Variants in PIGU observed in about 807,000 individuals in gnomAD.
PIGU encodes the protein GPI-anchor transamidase component PIGU.
Under a neutral mutation model 49.9 loss-of-function variants are expected in PIGU, and 24 were observed. The ratio of observed to expected loss-of-function variants is 0.48; its 90% CI spans 0.35 to 0.68. The LOEUF is 0.68. Among genes scored for constraint, PIGU ranks in the 30% least tolerant of loss-of-function variants. PIGU has a pLI of 0.01. For synonymous variants in PIGU, 220 were observed against 205.7 expected (o/e 1.07, Z -0.59); for missense variants, 490 against 532.6 (o/e 0.92, Z 0.79).
At chr20:34,657,350 C>T (rs2146783674) in intron 1 of PIGU, 106 bp from the exon 2 acceptor site, 1 of 745,080 alleles carries the variant, frequency 1.3e-6, no homozygotes, top group African/African-American at 1.8e-5. Context: ...ATCTAACCCC[C>T]TTTACCTCAT....
At chr20:34,665,739 T>C (rs1364716115) in intron 1 of PIGU, among the ~76,000 whole-genome samples, 1 of 152,172 alleles carries the variant, frequency 6.6e-6, no homozygotes, top group Non-Finnish European at 1.5e-5. Context: ...TGTGACCTGG[T>C]CTGCAGTGCA....
intron 7 of PIGU, among the ~76,000 whole-genome samples, chr20:34,608,173 C>G (rs924123441): frequency 5.3e-5 from 8 of 150,116 alleles, no homozygotes; most frequent in African/African-American, 1.7e-4. Context: ...CTCCCAGGTT[C>G]AAGCGATTCT....
chr20:34,600,414 GAGAGAAAAGAAAAGAAAAA>G (rs966225349), intron 7 of PIGU, among the ~76,000 whole-genome samples: 5 of 151,130 alleles, frequency 3.3e-5, no homozygotes, highest in Non-Finnish European at 5.9e-5. Flanking sequence ...GAGAAGAGAA[GAGAGAAAAGAAAAGAAAAA>G]AGAGAAAAGA....
At chr20:34,591,340 T>C (rs986232191) in intron 7 of PIGU, among the ~76,000 whole-genome samples, 1 of 152,176 alleles carries the variant, frequency 6.6e-6, no homozygotes, top group Non-Finnish European at 1.5e-5. Context: ...GCATAATTGA[T>C]AGATCAAGCA....
At chr20:34,578,039 A>G (rs1423021291) in intron 10 of PIGU, among the ~76,000 whole-genome samples, 2 of 152,230 alleles carry the variant, frequency 1.3e-5, no homozygotes, top group Non-Finnish European at 2.9e-5. Context: ...TGTTGTCATT[A>G]AAAAGTCCTT....
chr20:34,676,901 G>A, intron 1 of PIGU, 55 bp downstream of exon 1: 1 of 1,550,260 alleles, frequency 6.5e-7, no homozygotes, highest in Middle Eastern at 2.3e-4. Flanking sequence ...CCCATTCACA[G>A]AGGCCGCGGG....
intron 2 of PIGU, among the ~76,000 whole-genome samples, chr20:34,646,230 C>T (rs1332975770): frequency 5.9e-5 from 9 of 152,142 alleles, no homozygotes; most frequent in Non-Finnish European, 7.3e-5. Flanking sequence ...ATAGATAAAA[C>T]ATTCAGATTT....
chr20:34,633,815 C>T (rs914604225), intron 6 of PIGU, among the ~76,000 whole-genome samples: 2 of 152,088 alleles, frequency 1.3e-5, no homozygotes, highest in East Asian at 1.9e-4. Flanking sequence ...GCAATCCAAC[C>T]GCCTTGGCCT....
At chr20:34,596,596 A>C (rs573974426) in intron 7 of PIGU, among the ~76,000 whole-genome samples, 89 of 152,314 alleles carry the variant, frequency 5.8e-4, no homozygotes, top group African/African-American at 2.1e-3. Context: ...AAAAATGGAG[A>C]TAAAACCATC....
chr20:34,675,163 G>C (rs983404203), intron 1 of PIGU, among the ~76,000 whole-genome samples: 4 of 148,474 alleles, frequency 2.7e-5, no homozygotes, highest in South Asian at 2.1e-4. Flanking sequence ...CAGAAGAATT[G>C]CTTGAACCCA....
intron 9 of PIGU, among the ~76,000 whole-genome samples, chr20:34,583,548 G>A (rs539157379): frequency 1.3e-5 from 2 of 152,354 alleles, no homozygotes; most frequent in South Asian, 4.1e-4. Flanking sequence ...TCATAAAATG[G>A]TGACATTATT....
intron 7 of PIGU, among the ~76,000 whole-genome samples, chr20:34,597,628 T>C (rs1230887932): frequency 6.6e-6 from 1 of 152,228 alleles, no homozygotes; most frequent in Non-Finnish European, 1.5e-5. Flanking sequence ...CTCCAGTTGA[T>C]GCTTATGCTG....
intron 1 of PIGU, 119 bp from the exon 2 acceptor site, chr20:34,657,363 C>T (rs1986735504): frequency 4.4e-6 from 3 of 682,768 alleles, no homozygotes; most frequent in Non-Finnish European, 7.7e-6. Flanking sequence ...TACCTCATCC[C>T]CAGCAAGTGG....
chr20:34,659,198 G>C (rs1986832933), intron 1 of PIGU, among the ~76,000 whole-genome samples: 1 of 142,930 alleles, frequency 7.0e-6, no homozygotes, highest in African/African-American at 2.6e-5. Flanking sequence ...GTCCAGGAGG[G>C]AGGTGGGGGG....
At chr20:34,570,392 C>T (rs2146694595) in intron 11 of PIGU, among the ~76,000 whole-genome samples, 1 of 151,484 alleles carries the variant, frequency 6.6e-6, no homozygotes, top group Non-Finnish European at 1.5e-5. Flanking sequence ...AGTAAGCTCT[C>T]CTGAAACATG....
chr20:34,658,014 C>G (rs1479773539), intron 1 of PIGU, among the ~76,000 whole-genome samples: 1 of 152,150 alleles, frequency 6.6e-6, no homozygotes, highest in Non-Finnish European at 1.5e-5. Context: ...CCCTCTCCCT[C>G]TCTTTCCACG....
At chr20:34,632,769 G>A (rs2146758779) in intron 6 of PIGU, among the ~76,000 whole-genome samples, 1 of 152,222 alleles carries the variant, frequency 6.6e-6, no homozygotes, top group Admixed American at 6.5e-5. Context: ...ATACAGAACA[G>A]GAGATTTATG....
intron 2 of PIGU, among the ~76,000 whole-genome samples, chr20:34,649,418 CT>C (rs1986458640): frequency 6.7e-6 from 1 of 148,552 alleles, no homozygotes; most frequent in Non-Finnish European, 1.5e-5. Context: ...GTTTTCTATC[CT>C]TTTCTCTCCA....
intron 7 of PIGU, among the ~76,000 whole-genome samples, chr20:34,603,933 TGA>T (rs1270136849): frequency 1.4e-5 from 2 of 146,056 alleles, no homozygotes; most frequent in African/African-American, 2.6e-5. Context: ...CAAGTGAAGG[TGA>T]GAGAAATGAA....
Sources: gnomAD v4.1 joint callset for allele counts (sites outside exome capture counted in the v4.1 genomes callset) on GRCh38, gnomAD v4.1.1 for gene constraint, MANE v1.5 for transcripts, NCBI Gene and HGNC (gene_info 2026-07-23, HGNC 2026-07-21) for gene names.